ELMO1: variants seen among roughly 807,000 people sequenced by gnomAD.
ELMO1 encodes the protein engulfment and cell motility protein 1.
A neutral mutation model predicts 98.9 loss-of-function variants in ELMO1; 26 were observed. The observed-to-expected ratio is 0.26, with a 90% CI of 0.19 to 0.36. The LOEUF (loss-of-function observed/expected upper bound fraction) is 0.36. Ranked by LOEUF, ELMO1 falls within the 10% of genes least tolerant of loss-of-function variation. The pLI is 1.00. For synonymous variants in ELMO1, 346 were observed against 346.0 expected (o/e 1.00, Z 0.00); for missense variants, 627 against 935.2 (o/e 0.67, Z 4.30).
chr7:37,294,725 C>T (rs1005510501), intron 4 of ELMO1, among the ~76,000 whole-genome samples: 2 of 152,168 alleles, frequency 1.3e-5, no homozygotes, highest in Admixed American at 6.5e-5. Flanking sequence ...TCAGGCCAGG[C>T]GCGGGGGCTC....
chr7:37,417,735 G>C (rs934241297), intron 1 of ELMO1, among the ~76,000 whole-genome samples: 1 of 151,776 alleles, frequency 6.6e-6, no homozygotes, highest in Admixed American at 6.6e-5. Flanking sequence ...CCAGCTACTC[G>C]GGAGGCTGAG....
chr7:36,964,700 A>AC (rs943728891), intron 16 of ELMO1, among the ~76,000 whole-genome samples: 9 of 152,072 alleles, frequency 5.9e-5, no homozygotes, highest in Non-Finnish European at 1.2e-4. Context: ...CCACTACAAT[A>AC]CCCTACAGTT....
At chr7:37,429,491 TC>T (rs1804843210) in intron 1 of ELMO1, 1 of 152,256 alleles carries the variant, frequency 6.6e-6, no homozygotes, top group Admixed American at 6.5e-5. Flanking sequence ...AAAGGGCTGA[TC>T]TTCAGTTTCA....
chr7:37,052,817 A>AGCCT (rs1397462672), intron 15 of ELMO1, among the ~76,000 whole-genome samples: 6 of 152,202 alleles, frequency 3.9e-5, no homozygotes, highest in Admixed American at 2.0e-4. Flanking sequence ...GGCCAACCTT[A>AGCCT]GCCTGGGAGG....
rs62459324 is a variant in ELMO1, at chr7:37,267,036, T to C, written c.243+4796A>G. Among the ~76,000 whole-genome samples, 8 of 26,932 alleles carry C rather than the reference T, an allele frequency of 3.0e-4. 1 individual carries two copies. The highest frequency in any genetic ancestry group is 7.9e-4 in the African/African-American group (5 of 6,346). The allele number at this position is 26,932 out of a possible 152,430, so 17.7% of individuals were successfully genotyped here. On this transcript the variant is annotated intron_variant, in intron 5 of 21. Transcript: ENST00000310758. ...TAAAAAAAAAAAAAAAATATGTATA[T>C]ATACACACACACACACACACACACA...
At chr7:37,001,377 T>C (rs1164037764) in intron 16 of ELMO1, among the ~76,000 whole-genome samples, 1 of 152,184 alleles carries the variant, frequency 6.6e-6, no homozygotes, top group African/African-American at 2.4e-5. Flanking sequence ...TTTCTGGCCA[T>C]TAATTAATTC....
At position 36,899,684 on chromosome 7, in the gene ELMO1, C is replaced by CTTTTTTTTTTTTTTTTTTTTTTT. The variant is rs10522661; in HGVS notation, c.1438-4668_1438-4667insAAAAAAAAAAAAAAAAAAAAAAA. ...ACTCATTTTTACTATCTTTACTCAT[C>CTTTTTTTTTTTTTTTTTTTTTTT]TTTTTTTTTTTTTTTTACCACTCCT... On this transcript the variant is annotated intron_variant, in intron 16 of 21. Transcript: ENST00000310758. Among the ~76,000 whole-genome samples, 410 of 63,646 alleles carry CTTTTTTTTTTTTTTTTTTTTTTT rather than the reference C, an allele frequency of 6.4e-3. 139 individuals are homozygous for CTTTTTTTTTTTTTTTTTTTTTTT. The highest frequency in any genetic ancestry group is 0.013 in the South Asian group (17 of 1,292). 41.8% of individuals were successfully genotyped at this position (63,646 alleles called of 152,430 possible). A position where few individuals can be genotyped will look rare whatever the true frequency, so the allele number is the denominator to read the frequency against.
chr7:37,158,379 A>C (rs992379907), intron 13 of ELMO1, among the ~76,000 whole-genome samples: 1 of 152,230 alleles, frequency 6.6e-6, no homozygotes, highest in Non-Finnish European at 1.5e-5. Flanking sequence ...CAATCTACAG[A>C]ATGGGAGAAA....
chr7:37,042,177 G>C (rs1230975760), intron 15 of ELMO1, among the ~76,000 whole-genome samples: 1 of 148,602 alleles, frequency 6.7e-6, no homozygotes, highest in African/African-American at 2.5e-5. Context: ...TCCAACTTTG[G>C]CTGTTTGAGT....
intron 14 of ELMO1, among the ~76,000 whole-genome samples, chr7:37,123,876 C>T (rs942140940): frequency 1.3e-5 from 2 of 152,100 alleles, no homozygotes; most frequent in Admixed American, 1.3e-4. Flanking sequence ...AACATTGATG[C>T]AAAAATCCTC....
chr7:37,067,746 TG>T (rs1554404233), intron 15 of ELMO1, among the ~76,000 whole-genome samples: 2 of 152,072 alleles, frequency 1.3e-5, no homozygotes, highest in Non-Finnish European at 2.9e-5. Flanking sequence ...CTTTTTTTTT[TG>T]AAAAGACAGA....
Position 37,194,825 on chromosome 7 carries a change from C to T in ELMO1, c.1086+16561G>A, listed in dbSNP as rs191382611. ...ATCCATTTTTGGAATTTCAGAAACA[C>T]TTTATAGTCTATTTGTATGATTCTC... On this transcript the variant is annotated intron_variant, in intron 13 of 21. Coordinates refer to ENST00000310758, the MANE Select transcript of ELMO1 (RefSeq NM_014800.11). 7.2e-5 allele frequency among the ~76,000 whole-genome samples: 11 copies of T among 152,310 alleles called. No homozygotes were observed. In the East Asian group the frequency reaches 1.7e-3, roughly 24 times the overall value.
At chr7:37,374,007 T>A (rs1407962405) in intron 1 of ELMO1, among the ~76,000 whole-genome samples, 1 of 152,262 alleles carries the variant, frequency 6.6e-6, no homozygotes, top group Non-Finnish European at 1.5e-5. Flanking sequence ...TTTATTGTTG[T>A]TTCTCATTTT....
At chr7:37,299,583 T>C (rs533276685) in intron 4 of ELMO1, among the ~76,000 whole-genome samples, 1 of 58,424 alleles carries the variant, frequency 1.7e-5, no homozygotes, top group Admixed American at 2.3e-4. Context: ...GTTGTAGGTA[T>C]GCGGCGTTAT....
chr7:37,436,081 A>T (rs1805129739), intron 1 of ELMO1, among the ~76,000 whole-genome samples: 1 of 152,194 alleles, frequency 6.6e-6, no homozygotes, highest in East Asian at 1.9e-4. Context: ...TGACACCTGA[A>T]TTCCCTCATC....
At chr7:37,098,036 G>A (rs1457940315) in intron 14 of ELMO1, among the ~76,000 whole-genome samples, 1 of 152,192 alleles carries the variant, frequency 6.6e-6, no homozygotes, top group Non-Finnish European at 1.5e-5. Flanking sequence ...CTCAAGTTAT[G>A]GAACTTTATC....
chr7:37,129,097 G>A (rs1786726406), intron 14 of ELMO1, among the ~76,000 whole-genome samples: 1 of 151,886 alleles, frequency 6.6e-6, no homozygotes, highest in Non-Finnish European at 1.5e-5. Context: ...CACAGTGGTA[G>A]AGACTTGCCT....
intron 1 of ELMO1, among the ~76,000 whole-genome samples, chr7:37,387,926 G>A (rs937537752): frequency 2.6e-5 from 4 of 152,060 alleles, no homozygotes; most frequent in Admixed American, 2.6e-4. Flanking sequence ...TGACCCCCTG[G>A]GCTCAATAGT....
At chr7:36,964,516 A>G (rs900123081) in intron 16 of ELMO1, among the ~76,000 whole-genome samples, 7 of 152,252 alleles carry the variant, frequency 4.6e-5, no homozygotes, top group Admixed American at 3.3e-4. Flanking sequence ...TGAAAATCTT[A>G]AGTGGAACCA....
Sources: gnomAD v4.1 joint callset for allele counts (sites outside exome capture counted in the v4.1 genomes callset) on GRCh38, gnomAD v4.1.1 for gene constraint, MANE v1.5 for transcripts, NCBI Gene and HGNC (gene_info 2026-07-23, HGNC 2026-07-21) for gene names.